DSC3: variants seen among roughly 807,000 people sequenced by gnomAD.
DSC3 encodes desmocollin 3.
In DSC3, 97 loss-of-function variants were observed where a neutral mutation model predicts 89.5. That is an observed-to-expected ratio of 1.08 (90% CI 0.92 to 1.28). The LOEUF is 1.28. DSC3 is among the 50% of genes most tolerant of loss of function. DSC3 has a pLI of 0.00. For synonymous variants in DSC3, 436 were observed against 384.1 expected, an observed-to-expected ratio of 1.14 and a Z score of -1.58; for missense variants, 1,199 against 1,085.3, an observed-to-expected ratio of 1.10 and a Z score of -1.47.
chr18:31,038,905 T>C (rs1265178669), intron 1 of DSC3, among the ~76,000 whole-genome samples: 1 of 152,070 alleles, frequency 6.6e-6, no homozygotes, highest in Non-Finnish European at 1.5e-5. Context: ...AAAGGGATAA[T>C]ATTCAATAGA....
chr18:31,027,298 C>T (rs1261604943), intron 4 of DSC3, among the ~76,000 whole-genome samples: 1 of 152,092 alleles, frequency 6.6e-6, no homozygotes, highest in Admixed American at 6.6e-5. Context: ...CGTGCTTGAA[C>T]AAGATTGGAA....
At chr18:31,026,623 G>A (rs1281156993) in intron 4 of DSC3, among the ~76,000 whole-genome samples, 1 of 152,094 alleles carries the variant, frequency 6.6e-6, no homozygotes, top group Admixed American at 6.6e-5. Context: ...ATCAGAATTT[G>A]CTGATGAGTT....
Position 30,989,893 on chromosome 18 carries a change from A to C in DSC3, c.*4282T>G, listed in dbSNP as rs2144660113. Reference sequence around the variant, plus strand: ...TGGGACACGTTTACCTATGTAACAAACCTGCACATCCTGCACGTGTATCCT... The same window carrying C: ...TGGGACACGTTTACCTATGTAACAACCCTGCACATCCTGCACGTGTATCCT... On this transcript the variant is annotated 3_prime_UTR_variant, in exon 16 of 16. Coordinates refer to ENST00000360428, the MANE Select transcript of DSC3 (RefSeq NM_001941.5). 1 of 151,524 alleles carries C rather than the reference A, an allele frequency of 6.6e-6. No individual in the cohort carries two copies. The highest frequency in any genetic ancestry group is 2.0e-4 in the East Asian group (1 of 5,014). 9.4% of individuals were successfully genotyped at this position (151,524 alleles called of 1,614,324 possible).
At chr18:31,002,064 G>A (rs1028337473) in intron 13 of DSC3, among the ~76,000 whole-genome samples, 27 of 152,182 alleles carry the variant, frequency 1.8e-4, no homozygotes, top group Middle Eastern at 3.4e-3. Flanking sequence ...AAAATTTACT[G>A]ATTCCCCTAA....
chr18:31,036,798 C>CTTTTCTTTTTTTTTTTTTTTT (rs1555635106), intron 1 of DSC3, among the ~76,000 whole-genome samples: 1 of 107,424 alleles, frequency 9.3e-6, no homozygotes, highest in African/African-American at 3.6e-5. Context: ...TTCTTTCTTC[C>CTTTTCTTTTTTTTTTTTTTTT]TTTTTTTTTT....
chr18:31,018,289 T>A (rs1306630124), intron 8 of DSC3, 33 bp from the exon 9 acceptor site: 1 of 1,565,674 alleles, frequency 6.4e-7, no homozygotes, highest in Non-Finnish European at 8.7e-7. Context: ...AAAATTGAAA[T>A]TTTATTTTAT....
At chr18:31,016,491 C>T (rs1253327491) in intron 9 of DSC3, among the ~76,000 whole-genome samples, 7 of 152,314 alleles carry the variant, frequency 4.6e-5, no homozygotes, top group Admixed American at 1.3e-4. Flanking sequence ...TATGCCTGTA[C>T]TACCTAAGTG....
intron 4 of DSC3, among the ~76,000 whole-genome samples, chr18:31,027,240 C>A (rs1364444566): frequency 2.0e-5 from 3 of 152,226 alleles, no homozygotes; most frequent in African/African-American, 7.2e-5. Context: ...CCAAATTTTG[C>A]AGAATCTCTT....
At position 31,000,723 on chromosome 18, in the gene DSC3, G is replaced by A. The variant is rs547236252; in HGVS notation, c.2235+895C>T. Among the ~76,000 whole-genome samples, 23 of 151,790 alleles carry A rather than the reference G, an allele frequency of 1.5e-4. No homozygotes were observed. In the South Asian group the frequency reaches 2.1e-3, roughly 14 times the overall value. On this transcript the variant is annotated intron_variant, in intron 14 of 15. Transcript: ENST00000360428. ...TTCCTCTTCTTTAGCTATTCTCACCGTCTCTTCACTTTCAAACCCTTCTTA... is the reference window on the plus strand; with the variant it reads ...TTCCTCTTCTTTAGCTATTCTCACCATCTCTTCACTTTCAAACCCTTCTTA...
chr18:30,997,761 T>C lies in DSC3; in HGVS notation c.2236-713A>G, dbSNP rs79911284. ...GTTACAAGAGCACAGAAGTAGAGCA[T>C]TAAAATTCAAATCCAAACAGGGTAG... On this transcript the variant is annotated intron_variant, in intron 14 of 15. Coordinates refer to ENST00000360428, the MANE Select transcript of DSC3 (RefSeq NM_001941.5). 3.7e-3 allele frequency among the ~76,000 whole-genome samples: 564 copies of C among 152,220 alleles called. 4 individuals carry two copies. The highest frequency in any genetic ancestry group is 0.013 in the African/African-American group (541 of 41,532).
At chr18:31,017,447 G>A (rs1262568525) in intron 9 of DSC3, among the ~76,000 whole-genome samples, 1 of 152,038 alleles carries the variant, frequency 6.6e-6, no homozygotes, top group Non-Finnish European at 1.5e-5. Context: ...CTCATAACCT[G>A]GATCCTAGAA....
chr18:31,029,483 C>A (rs372771494), intron 4 of DSC3, 26 bp downstream of exon 4: 1 of 1,613,184 alleles, frequency 6.2e-7, no homozygotes, highest in South Asian at 1.1e-5. Context: ...TTAAAGCAAC[C>A]CTGACCAGAA....
chr18:31,035,092 T>G (rs1240719629), intron 1 of DSC3, among the ~76,000 whole-genome samples: 1 of 152,148 alleles, frequency 6.6e-6, no homozygotes, highest in African/African-American at 2.4e-5. Context: ...CACAATAAAG[T>G]GGCATAATAA....
chr18:31,028,709 T>C (rs2144726437), intron 4 of DSC3, among the ~76,000 whole-genome samples: 1 of 152,246 alleles, frequency 6.6e-6, no homozygotes, highest in East Asian at 1.9e-4. Context: ...ATAGCCCTAC[T>C]TCAGTAATGG....
At position 30,994,310 on chromosome 18, in the gene DSC3, A is replaced by C; in HGVS notation, c.2556T>G (p.Tyr852Ter). ...RMPSQDYVLT[Y>*]NYEGRGSPAG... ...CTGGAGATCCTCTTCCCTCATAGTT[A>C]TAAGTGAGGACATAATCTTGGGATG... The change falls in exon 16 of 16, where the codon TAT becomes TAG. Residue 852 changes from tyrosine to a stop codon, truncating the protein, a stop_gained. Coordinates refer to ENST00000360428, the MANE Select transcript of DSC3 (RefSeq NM_001941.5). LOFTEE classifies it high-confidence loss of function. 6.2e-7 allele frequency: 1 copy of C among 1,614,108 alleles called. No individual in the cohort carries two copies. The highest frequency in any genetic ancestry group is 2.2e-5 in the East Asian group (1 of 44,866).
chr18:31,018,557 C>G, intron 8 of DSC3, 109 bp downstream of exon 8: 1 of 1,203,044 alleles, frequency 8.3e-7, no homozygotes, highest in South Asian at 1.3e-5. Flanking sequence ...TCATAAAATA[C>G]GTATACGTCA....
At chr18:31,007,846 T>A (rs1163743998) in intron 11 of DSC3, among the ~76,000 whole-genome samples, 170 bp downstream of exon 11, 1 of 152,294 alleles carries the variant, frequency 6.6e-6, no homozygotes, top group East Asian at 1.9e-4. Flanking sequence ...ACACGGCTTC[T>A]TGTCACCAAA....
intron 14 of DSC3, among the ~76,000 whole-genome samples, chr18:30,997,911 G>A (rs1984530996): frequency 6.6e-6 from 1 of 152,070 alleles, no homozygotes; most frequent in Admixed American, 6.5e-5. Flanking sequence ...TCCTTCAGGG[G>A]TCCCCAACTT....
Position 30,990,479 on chromosome 18 carries a change from T to G in DSC3, c.*3696A>C, listed in dbSNP as rs2144661072. The G allele has an allele frequency of 6.6e-6, 1 of 152,338 alleles. No individual in the cohort carries two copies. Among genetic ancestry groups the G allele is most frequent in the Non-Finnish European group, 1.5e-5 (1 of 68,028 alleles). 9.4% of individuals were successfully genotyped at this position (152,338 alleles called of 1,614,324 possible). Reference sequence around the variant, plus strand: ...AATAGAAGTTACTGGAATTGAAATTTTGGTTCAACCTATATTAAAATGTAA... The same window carrying G: ...AATAGAAGTTACTGGAATTGAAATTGTGGTTCAACCTATATTAAAATGTAA... On this transcript the variant is annotated 3_prime_UTR_variant, in exon 16 of 16. Transcript: ENST00000360428.
Sources: gnomAD v4.1 joint callset for allele counts (sites outside exome capture counted in the v4.1 genomes callset) on GRCh38, gnomAD v4.1.1 for gene constraint, MANE v1.5 for transcripts, NCBI Gene and HGNC (gene_info 2026-07-23, HGNC 2026-07-21) for gene names.